PHLDB2: variants seen among roughly 807,000 people sequenced by gnomAD.
PHLDB2 encodes pleckstrin homology-like domain family B member 2.
PHLDB2 carries 71 observed loss-of-function variants against 123.6 expected under a neutral mutation model. That is an observed-to-expected ratio of 0.57 (90% CI 0.47 to 0.70). The LOEUF is 0.70. Among genes scored for constraint, PHLDB2 ranks in the 30% least tolerant of loss-of-function variants. The pLI, the probability that PHLDB2 is intolerant of heterozygous loss-of-function variation, is 0.00. For missense variants in PHLDB2, 1,446 were observed against 1,519.5 expected (o/e 0.95, Z 0.80); for synonymous variants, 547 against 541.6 (o/e 1.01, Z -0.14).
intron 1 of PHLDB2, among the ~76,000 whole-genome samples, chr3:111,781,344 C>G (rs1461409836): frequency 8.6e-6 from 1 of 116,706 alleles, no homozygotes; most frequent in East Asian, 4.8e-4. Flanking sequence ...TTTCCCTCAG[C>G]TCTAATCCAC....
chr3:111,919,856 G>A (rs867680), intron 4 of PHLDB2, among the ~76,000 whole-genome samples: 48,137 of 152,018 alleles, frequency 0.32, 7,922 homozygotes, highest in Middle Eastern at 0.37. Context: ...GCGTAGAGAC[G>A]CTGGAAGCCC....
chr3:111,966,832 C>G (rs1453533857), intron 14 of PHLDB2, 129 bp downstream of exon 14: 4 of 650,248 alleles, frequency 6.2e-6, no homozygotes, highest in Non-Finnish European at 1.0e-5. Flanking sequence ...CTTTCTCAGT[C>G]TCATTTTCTT....
chr3:111,780,415 G>T (rs929903918), intron 1 of PHLDB2, among the ~76,000 whole-genome samples: 4 of 141,350 alleles, frequency 2.8e-5, no homozygotes, highest in African/African-American at 1.0e-4. Context: ...AGAAGAAAAA[G>T]ATTAGTTCGG....
rs11418818 is a variant in PHLDB2, at chr3:111,807,946, G to GT, written c.-48-37857dup. Among the ~76,000 whole-genome samples the GT allele has an allele frequency of 7.7e-3, 661 of 86,402 alleles. 9 individuals carry two copies. Among genetic ancestry groups the GT allele is most frequent in the African/African-American group, 0.013 (337 of 26,328 alleles). 56.7% of individuals were successfully genotyped at this position (86,402 alleles called of 152,430 possible). Reference sequence around the variant, plus strand: ...GGACCATTTTATAAATAAGCTGGGTGTTTTTTTTTTTTTTTTTTGCCTAAT... The same window carrying GT: ...GGACCATTTTATAAATAAGCTGGGTGTTTTTTTTTTTTTTTTTTTGCCTAAT... On this transcript the variant is annotated intron_variant, in intron 1 of 17. Coordinates refer to the PHLDB2 transcript ENST00000393923.
intron 1 of PHLDB2, among the ~76,000 whole-genome samples, chr3:111,756,723 G>A (rs2059896927): frequency 2.0e-5 from 3 of 152,168 alleles, no homozygotes; most frequent in Admixed American, 6.6e-5. Flanking sequence ...CTCGTTAGTG[G>A]ATGCAGTTTC....
intron 1 of PHLDB2, among the ~76,000 whole-genome samples, chr3:111,741,288 C>T (rs1034133179): frequency 6.6e-6 from 1 of 152,202 alleles, no homozygotes; most frequent in African/African-American, 2.4e-5. Context: ...TGCCCGAGCA[C>T]CTGTCTCACA....
chr3:111,874,840 C>T (rs1429437624), intron 1 of PHLDB2, among the ~76,000 whole-genome samples: 2 of 152,042 alleles, frequency 1.3e-5, no homozygotes, highest in Non-Finnish European at 2.9e-5. Context: ...CCTAAAACTA[C>T]CCATTGAGAT....
intron 1 of PHLDB2, among the ~76,000 whole-genome samples, chr3:111,880,516 A>AG: frequency 6.6e-6 from 1 of 152,090 alleles, no homozygotes; most frequent in Admixed American, 6.5e-5. Flanking sequence ...ACAACTAAAA[A>AG]ACTAGTATTT....
intron 1 of PHLDB2, among the ~76,000 whole-genome samples, chr3:111,868,592 G>A (rs1447153699): frequency 6.6e-6 from 1 of 151,746 alleles, no homozygotes; most frequent in Non-Finnish European, 1.5e-5. Flanking sequence ...ATCACAGACA[G>A]CACACTTTTA....
intron 1 of PHLDB2, among the ~76,000 whole-genome samples, chr3:111,750,134 G>A (rs1308955210): frequency 1.3e-5 from 2 of 152,084 alleles, no homozygotes; most frequent in African/African-American, 2.4e-5. Context: ...TAAAACAAAG[G>A]TTCCCAAATC....
At chr3:111,949,587 A>G (rs1470495563) in intron 10 of PHLDB2, 1 of 535,678 alleles carries the variant, frequency 1.9e-6, no homozygotes, top group African/African-American at 2.1e-5. Context: ...TTGCCCATCA[A>G]TTGTAACTTC....
At chr3:111,848,037 C>T (rs552266172) in intron 2 of PHLDB2, among the ~76,000 whole-genome samples, 5 of 152,154 alleles carry the variant, frequency 3.3e-5, no homozygotes, top group South Asian at 2.1e-4. Flanking sequence ...GGACATGTTA[C>T]GTCTGCTGTG....
chr3:111,863,126 C>T (rs990103839), intron 1 of PHLDB2, among the ~76,000 whole-genome samples: 7 of 152,236 alleles, frequency 4.6e-5, no homozygotes, highest in Middle Eastern at 3.4e-3. Context: ...CTGTGGGGCA[C>T]GTGCCTGGGT....
At position 111,951,784 on chromosome 3, in the gene PHLDB2, G is replaced by A. The variant is rs138409992; in HGVS notation, c.2632-788G>A. ...TTCTTTTTTTATTTTCATAGTTTTG[G>A]GGGGAACAGGTAGGGTTTGGTTACG... On this transcript the variant is annotated intron_variant, in intron 10 of 17. Transcript: ENST00000431670. Among the ~76,000 whole-genome samples the A allele has an allele frequency of 4.0e-5, 6 of 151,744 alleles. No individual in the cohort carries two copies. The East Asian group carries it at 1.2e-3, about 29-fold the overall frequency.
chr3:111,892,169 A>AT (rs943810278), intron 2 of PHLDB2, among the ~76,000 whole-genome samples: 13 of 152,022 alleles, frequency 8.6e-5, no homozygotes, highest in African/African-American at 3.1e-4. Flanking sequence ...ACACATACGA[A>AT]TTTTTTCCAT....
intron 1 of PHLDB2, among the ~76,000 whole-genome samples, chr3:111,777,995 G>A (rs77802655): frequency 0.048 from 7,277 of 151,966 alleles, 588 homozygotes; most frequent in African/African-American, 0.17. Flanking sequence ...ATAAGCGTAG[G>A]AGCTGACTAT....
intron 1 of PHLDB2, among the ~76,000 whole-genome samples, chr3:111,832,549 AT>A (rs2063100335): frequency 6.8e-6 from 1 of 147,980 alleles, no homozygotes; most frequent in Non-Finnish European, 1.5e-5. Context: ...GTTAACAAAA[AT>A]CATATGGCAT....
chr3:111,895,467 T>C (rs2066781901), intron 2 of PHLDB2, among the ~76,000 whole-genome samples: 1 of 152,170 alleles, frequency 6.6e-6, no homozygotes, highest in Admixed American at 6.5e-5. Flanking sequence ...ACTTGTTTCT[T>C]AAATAAGAAA....
At chr3:111,814,117 C>G (rs1156720690) in intron 1 of PHLDB2, among the ~76,000 whole-genome samples, 2 of 152,126 alleles carry the variant, frequency 1.3e-5, no homozygotes. Context: ...GGATACACCA[C>G]TGTGATAGTT....
Sources: gnomAD v4.1 joint callset for allele counts (sites outside exome capture counted in the v4.1 genomes callset) on GRCh38, gnomAD v4.1.1 for gene constraint, MANE v1.5 for transcripts, NCBI Gene and HGNC (gene_info 2026-07-23, HGNC 2026-07-21) for gene names.